Variants in NRXN3 observed in about 807,000 individuals in gnomAD.
NRXN3 encodes the protein neurexin III.
Under a neutral mutation model 137.6 loss-of-function variants are expected in NRXN3, and 32 were observed. The observed-to-expected ratio is 0.23, with a 90% confidence interval of 0.18 to 0.31. NRXN3 has a LOEUF of 0.31. Among genes scored for constraint, NRXN3 ranks in the 10% least tolerant of loss-of-function variants. The pLI, the probability that NRXN3 is intolerant of heterozygous loss-of-function variation, is 1.00. For missense variants in NRXN3, 1,574 were observed against 2,062.5 expected (o/e 0.76, Z 4.59); for synonymous variants, 798 against 784.5 (o/e 1.02, Z -0.29).
At chr14:78,314,919 CTTTCTTTCTTTCTTTCTTTCTTT>C (rs1567234905) in intron 4 of NRXN3, among the ~76,000 whole-genome samples, 8 of 115,282 alleles carry the variant, frequency 6.9e-5, no homozygotes, top group African/African-American at 3.4e-4. Flanking sequence ...TTCTTTCTTT[CTTTCTTTCTTTCTTTCTTTCTTT>C]CTTCCTTCCT....
intron 20 of NRXN3, among the ~76,000 whole-genome samples, chr14:79,826,000 ATTT>A (rs34242066): frequency 6.7e-6 from 1 of 149,834 alleles, no homozygotes; most frequent in Non-Finnish European, 1.5e-5. Context: ...TTCCTCAAAG[ATTT>A]TTTTTTTGTG....
chr14:79,848,722 C>A (rs1321035052), intron 20 of NRXN3, among the ~76,000 whole-genome samples: 3 of 152,158 alleles, frequency 2.0e-5, no homozygotes, highest in Admixed American at 1.3e-4. Flanking sequence ...TGGCCCCTCA[C>A]CTCACCATCT....
intron 3 of NRXN3, among the ~76,000 whole-genome samples, chr14:78,292,203 G>A (rs2075870663): frequency 6.6e-6 from 1 of 152,206 alleles, no homozygotes; most frequent in South Asian, 2.1e-4. Context: ...GCTTACAAAT[G>A]ACTTTGCTTT....
Position 78,254,408 on chromosome 14 carries a change from C to T in NRXN3, c.709+10606C>T, listed in dbSNP as rs566070213. ...GCGACAAAAACATGGGGGCTGGGGA[C>T]GGTGGCTCATGCCTGTAATCCCAGC... is the stretch of plus-strand genomic sequence containing the variant. On this transcript the variant is annotated intron_variant, in intron 2 of 20. Coordinates refer to ENST00000335750, the MANE Select transcript of NRXN3 (RefSeq NM_001330195.2). 9.2e-5 allele frequency among the ~76,000 whole-genome samples: 14 copies of T among 152,252 alleles called. No individual in the cohort carries two copies. The South Asian group carries it at 1.5e-3, about 16-fold the overall frequency.
At chr14:79,579,309 T>C (rs1234481268) in intron 16 of NRXN3, among the ~76,000 whole-genome samples, 8 of 147,516 alleles carry the variant, frequency 5.4e-5, no homozygotes. Context: ...AATGTTGGTT[T>C]AAGCAAATGT....
chr14:78,523,938 T>G (rs1041577477), intron 4 of NRXN3, among the ~76,000 whole-genome samples: 1 of 150,744 alleles, frequency 6.6e-6, no homozygotes, highest in African/African-American at 2.4e-5. Flanking sequence ...AAAGCCATAC[T>G]CAAATGAATT....
chr14:79,407,260 T>C (rs1159744935), intron 15 of NRXN3, among the ~76,000 whole-genome samples: 2 of 152,156 alleles, frequency 1.3e-5, no homozygotes, highest in African/African-American at 4.8e-5. Flanking sequence ...TGTTTTCTTC[T>C]TACTGTGCCA....
intron 4 of NRXN3, among the ~76,000 whole-genome samples, chr14:78,490,260 G>C (rs1199654694): frequency 6.6e-6 from 1 of 151,456 alleles, no homozygotes; most frequent in African/African-American, 2.4e-5. Flanking sequence ...CCCGGCCTGA[G>C]TTTTCTAAAC....
intron 4 of NRXN3, among the ~76,000 whole-genome samples, chr14:78,562,955 C>G (rs534795061): frequency 3.3e-4 from 50 of 152,270 alleles, no homozygotes; most frequent in African/African-American, 1.2e-3. Context: ...TGTTTTTCCA[C>G]TTTATGTGAC....
At position 79,486,953 on chromosome 14, in the gene NRXN3, CTCTCTCT is replaced by C. The variant is rs1238605788; in HGVS notation, c.3444+19552_3444+19558del. On this transcript the variant is annotated intron_variant, in intron 16 of 20. Coordinates refer to ENST00000335750, the MANE Select transcript of NRXN3 (RefSeq NM_001330195.2). ...TCTCTCTCTCTCTCTCTCTCTCTCTCTCTCTCTCCCACACACACACACCCCAAGATAA... is the reference window on the plus strand; with the variant it reads ...TCTCTCTCTCTCTCTCTCTCTCTCTCCCCACACACACACACCCCAAGATAA... Among the ~76,000 whole-genome samples, 183 of 150,302 alleles carry C rather than the reference CTCTCTCT, an allele frequency of 1.2e-3. 2 individuals are homozygous for C. The highest frequency in any genetic ancestry group is 4.2e-3 in the African/African-American group (170 of 40,738).
chr14:78,705,480 G>T (rs1269366300), intron 6 of NRXN3, among the ~76,000 whole-genome samples: 1 of 152,120 alleles, frequency 6.6e-6, no homozygotes, highest in Non-Finnish European at 1.5e-5. Flanking sequence ...TTGCCCTCCT[G>T]TCCTTTTCCT....
chr14:79,044,459 G>T (rs1462007979), intron 15 of NRXN3, among the ~76,000 whole-genome samples: 1 of 152,154 alleles, frequency 6.6e-6, no homozygotes, highest in African/African-American at 2.4e-5. Context: ...AGACAAGGGA[G>T]AATAATGATT....
intron 8 of NRXN3, among the ~76,000 whole-genome samples, chr14:78,750,905 G>C (rs1344110974): frequency 6.6e-6 from 1 of 152,106 alleles, no homozygotes; most frequent in Non-Finnish European, 1.5e-5. Flanking sequence ...AAGGACCCCA[G>C]GGGAACAGTT....
chr14:79,337,799 G>A (rs568100170), intron 15 of NRXN3, among the ~76,000 whole-genome samples: 3 of 152,126 alleles, frequency 2.0e-5, no homozygotes, highest in Non-Finnish European at 4.4e-5. Flanking sequence ...CTGTAATACT[G>A]TTGTAGAGAA....
intron 19 of NRXN3, among the ~76,000 whole-genome samples, chr14:79,802,571 G>A: frequency 6.6e-6 from 1 of 152,104 alleles, no homozygotes; most frequent in South Asian, 2.1e-4. Context: ...GGGAGACATT[G>A]CCCCTATAAA....
chr14:79,859,795 A>G (rs116707153), intron 20 of NRXN3, among the ~76,000 whole-genome samples: 3,134 of 152,324 alleles, frequency 0.021, 114 homozygotes, highest in African/African-American at 0.072. Context: ...ATAACGTCAC[A>G]TTAGTACCTC....
intron 20 of NRXN3, among the ~76,000 whole-genome samples, chr14:79,832,447 T>G (rs1483353105): frequency 6.6e-6 from 1 of 152,180 alleles, no homozygotes; most frequent in Non-Finnish European, 1.5e-5. Flanking sequence ...GTGCCTTAAA[T>G]TCTCTGCAGC....
chr14:79,255,438 G>A (rs1030721896), intron 15 of NRXN3, among the ~76,000 whole-genome samples: 2 of 152,222 alleles, frequency 1.3e-5, no homozygotes, highest in Non-Finnish European at 2.9e-5. Context: ...ACCAGAGCCA[G>A]AGATATTGGG....
chr14:78,565,946 T>G (rs890053183), intron 4 of NRXN3, among the ~76,000 whole-genome samples: 5 of 152,260 alleles, frequency 3.3e-5, no homozygotes, highest in African/African-American at 1.2e-4. Flanking sequence ...GGCAAAAATT[T>G]GACCCTGGTC....
Sources: gnomAD v4.1 joint callset for allele counts (sites outside exome capture counted in the v4.1 genomes callset) on GRCh38, gnomAD v4.1.1 for gene constraint, MANE v1.5 for transcripts, NCBI Gene and HGNC (gene_info 2026-07-23, HGNC 2026-07-21) for gene names.